Variants in COMMD10 observed in about 807,000 individuals in gnomAD.
The protein encoded by COMMD10 is COMM domain containing 10, also known as COMM domain-containing protein 10.
A neutral mutation model predicts 28.9 loss-of-function variants in COMMD10; 33 were observed. The observed-to-expected ratio is 1.14, with a 90% CI of 0.87 to 1.53. The LOEUF is 1.53. Ranked by LOEUF, COMMD10 falls within the 40% of genes most tolerant of loss-of-function variation. COMMD10 has a pLI of 0.00. For missense variants in COMMD10, 310 were observed against 233.4 expected (o/e 1.33, Z -2.14); for synonymous variants, 110 against 81.7 (o/e 1.35, Z -1.87).
intron 2 of COMMD10, among the ~76,000 whole-genome samples, chr5:116,088,317 C>T (rs553249646): frequency 1.2e-4 from 18 of 152,342 alleles, no homozygotes; most frequent in South Asian, 1.0e-3. Flanking sequence ...AATCCAAGTT[C>T]TCACAATTCT....
intron 1 of COMMD10, among the ~76,000 whole-genome samples, chr5:116,086,346 T>C (rs1436933766): frequency 6.6e-6 from 1 of 152,178 alleles, no homozygotes; most frequent in Non-Finnish European, 1.5e-5. Flanking sequence ...TCCAATATGG[T>C]GCAGTATAGA....
chr5:116,088,698 A>G (rs529589849), intron 2 of COMMD10, among the ~76,000 whole-genome samples: 12 of 152,316 alleles, frequency 7.9e-5, no homozygotes, highest in Admixed American at 3.3e-4. Context: ...TTGCCTATAA[A>G]TGTCCTTCTT....
Position 116,091,189 on chromosome 5 carries a change from G to C in COMMD10, c.243G>C (p.Gln81His). The C allele has an allele frequency of 1.3e-6, 2 of 1,541,796 alleles. No individual in the cohort carries two copies. Among genetic ancestry groups the C allele is most frequent in the Non-Finnish European group, 1.8e-6 (2 of 1,120,220 alleles). The change falls in exon 3 of 7, where the codon CAG (glutamine) becomes CAC (histidine). Residue 81 changes from glutamine to histidine, a missense_variant and splice_region_variant. By Grantham distance (24) the Gln-to-His change is conservative. Coordinates refer to ENST00000274458, the MANE Select transcript of COMMD10 (RefSeq NM_016144.4). The stretch of plus-strand genomic sequence containing the variant: ...AAACAATATCATTTATTTTAGAACA[G>C]GTATTTTTATTGCATCAAATTTTCT... ...VLETISFILE[Q>H]AVYHNVKPAA...
chr5:116,272,264 A>T (rs1750779864), intron 5 of COMMD10, among the ~76,000 whole-genome samples: 1 of 151,806 alleles, frequency 6.6e-6, no homozygotes, highest in Non-Finnish European at 1.5e-5. Context: ...TATTTTTAAG[A>T]TCAGGAAATA....
chr5:116,106,785 G>A (rs1033630985), intron 4 of COMMD10, among the ~76,000 whole-genome samples: 6 of 152,172 alleles, frequency 3.9e-5, no homozygotes, highest in African/African-American at 1.4e-4. Context: ...TTTTATCAGA[G>A]ACTAGGATTG....
At chr5:116,091,262 C>A (rs1450161177) in intron 3 of COMMD10, 73 bp downstream of exon 3, 2 of 679,752 alleles carry the variant, frequency 2.9e-6, no homozygotes, top group South Asian at 2.9e-5. Context: ...ATATCTATGA[C>A]ATTCTGTTTT....
chr5:116,210,186 C>T (rs1748922425), intron 5 of COMMD10, among the ~76,000 whole-genome samples: 1 of 152,168 alleles, frequency 6.6e-6, no homozygotes, highest in Admixed American at 6.6e-5. Context: ...ACCTAATCAC[C>T]TCCTAAAGGT....
chr5:116,103,693 T>A (rs1750739372), intron 4 of COMMD10, among the ~76,000 whole-genome samples: 1 of 152,240 alleles, frequency 6.6e-6, no homozygotes, highest in Non-Finnish European at 1.5e-5. Context: ...TTTTGGCTTT[T>A]GTTACCATTG....
intron 4 of COMMD10, among the ~76,000 whole-genome samples, chr5:116,120,781 A>G (rs547637519): frequency 2.7e-5 from 4 of 150,918 alleles, no homozygotes; most frequent in African/African-American, 4.9e-5. Context: ...GTAGTATTCT[A>G]CCATTTGGAT....
At chr5:116,246,938 C>T (rs1749967219) in intron 5 of COMMD10, among the ~76,000 whole-genome samples, 1 of 151,970 alleles carries the variant, frequency 6.6e-6, no homozygotes, top group Non-Finnish European at 1.5e-5. Flanking sequence ...ATGATGAAGA[C>T]ACCGAAAGCG....
chr5:116,254,275 GT>G (rs1482786614), intron 5 of COMMD10, among the ~76,000 whole-genome samples: 2 of 151,888 alleles, frequency 1.3e-5, no homozygotes, highest in African/African-American at 4.8e-5. Flanking sequence ...TTTTTTGAAG[GT>G]TTTTTTGTGT....
At chr5:116,226,467 T>C (rs1008994399) in intron 5 of COMMD10, among the ~76,000 whole-genome samples, 3 of 151,756 alleles carry the variant, frequency 2.0e-5, no homozygotes, top group African/African-American at 4.8e-5. Context: ...TGATGGACTT[T>C]CCTCAGTTTC....
chr5:116,109,875 C>G (rs567831200), intron 4 of COMMD10, among the ~76,000 whole-genome samples: 36 of 152,262 alleles, frequency 2.4e-4, no homozygotes, highest in Admixed American at 2.2e-3. Context: ...TATCTCTTGC[C>G]TGATGGCTGT....
intron 5 of COMMD10, among the ~76,000 whole-genome samples, chr5:116,151,086 C>G (rs565184630): frequency 1.1e-4 from 16 of 151,864 alleles, no homozygotes; most frequent in African/African-American, 3.9e-4. Flanking sequence ...TGAATTTTGT[C>G]AAAGGCCTTT....
chr5:116,188,716 A>C (rs1580534100), intron 5 of COMMD10, among the ~76,000 whole-genome samples: 2 of 129,290 alleles, frequency 1.5e-5, no homozygotes, highest in South Asian at 2.3e-4. Context: ...CTCAGCTTCC[A>C]CCTCCCGGCT....
At chr5:116,110,482 A>G (rs970727177) in intron 4 of COMMD10, among the ~76,000 whole-genome samples, 3 of 152,126 alleles carry the variant, frequency 2.0e-5, no homozygotes, top group Non-Finnish European at 4.4e-5. Context: ...TCAGCTGTGA[A>G]TCCGTCTGGT....
chr5:116,228,081 T>TG (rs1319431379), intron 5 of COMMD10, among the ~76,000 whole-genome samples: 2 of 152,068 alleles, frequency 1.3e-5, no homozygotes, highest in African/African-American at 4.8e-5. Flanking sequence ...CAGCAGTGAA[T>TG]GTGAATACAG....
intron 4 of COMMD10, among the ~76,000 whole-genome samples, chr5:116,127,667 AT>A (rs775443808): frequency 6.6e-5 from 10 of 152,226 alleles, no homozygotes; most frequent in Non-Finnish European, 1.3e-4. Context: ...TGAGCAAATT[AT>A]CGCAAGGACA....
At chr5:116,113,264 C>T (rs1751117483) in intron 4 of COMMD10, among the ~76,000 whole-genome samples, 1 of 151,916 alleles carries the variant, frequency 6.6e-6, no homozygotes, top group Non-Finnish European at 1.5e-5. Flanking sequence ...TGACATTAGA[C>T]ACTCATTATA....
Sources: allele counts gnomAD v4.1 joint callset (sites outside exome capture counted in the v4.1 genomes callset), GRCh38; gene constraint gnomAD v4.1.1; transcripts MANE v1.5; gene names NCBI Gene and HGNC (gene_info 2026-07-23, HGNC 2026-07-21).